Variants in VWA8 observed in about 807,000 individuals in gnomAD.
VWA8 encodes von Willebrand factor A domain containing 8.
A neutral mutation model predicts 241.5 loss-of-function variants in VWA8; 221 were observed. The observed-to-expected ratio is 0.91, with a 90% CI of 0.82 to 1.02. The LOEUF is 1.02. Among genes scored for constraint, VWA8 ranks in the 50% least tolerant of loss-of-function variants. The probability of loss-of-function intolerance (pLI) is 0.00; values close to 1 mark genes in which losing one functional copy is unlikely to be tolerated. For synonymous variants in VWA8, 852 were observed against 827.1 expected (o/e 1.03, Z -0.52); for missense variants, 2,322 against 2,328.7 (o/e 1.00, Z 0.06).
chr13:41,594,107 T>C (rs1465290072), intron 40 of VWA8, among the ~76,000 whole-genome samples: 1 of 149,334 alleles, frequency 6.7e-6, no homozygotes, highest in Non-Finnish European at 1.5e-5. Context: ...CTATAGATTG[T>C]CATTTTTGTA....
intron 39 of VWA8, among the ~76,000 whole-genome samples, chr13:41,606,670 T>C (rs9566808): frequency 0.047 from 7,173 of 152,258 alleles, 211 homozygotes; most frequent in East Asian, 0.15. Flanking sequence ...AGAATAAATG[T>C]TCTGTATTCC....
At chr13:41,844,306 T>C (rs1287692430) in intron 12 of VWA8, among the ~76,000 whole-genome samples, 3 of 151,880 alleles carry the variant, frequency 2.0e-5, no homozygotes, top group African/African-American at 7.3e-5. Flanking sequence ...ATAAAAACCC[T>C]CAACAACCTA....
chr13:41,736,159 T>C (rs1221433626), intron 21 of VWA8, among the ~76,000 whole-genome samples: 1 of 152,184 alleles, frequency 6.6e-6, no homozygotes, highest in East Asian at 1.9e-4. Context: ...AAGACATTTA[T>C]CAGTAATACT....
chr13:41,713,235 C>A (rs551183781), intron 26 of VWA8, among the ~76,000 whole-genome samples: 3 of 151,972 alleles, frequency 2.0e-5, no homozygotes, highest in African/African-American at 7.2e-5. Flanking sequence ...TTCCAGTGTC[C>A]GGAGAGTCAA....
chr13:41,735,887 T>C (rs1483167733), intron 21 of VWA8, among the ~76,000 whole-genome samples: 1 of 152,126 alleles, frequency 6.6e-6, no homozygotes, highest in African/African-American at 2.4e-5. Context: ...CAGAGGGTGC[T>C]TGATTAAAAT....
intron 25 of VWA8, among the ~76,000 whole-genome samples, chr13:41,720,262 G>A (rs2045378509): frequency 6.6e-6 from 1 of 152,092 alleles, no homozygotes; most frequent in African/African-American, 2.4e-5. Context: ...GACTACAACT[G>A]AATTTACACT....
At chr13:41,780,532 C>G (rs945845421) in intron 19 of VWA8, among the ~76,000 whole-genome samples, 5 of 152,270 alleles carry the variant, frequency 3.3e-5, no homozygotes, top group East Asian at 3.9e-4. Flanking sequence ...TAAACAGCAC[C>G]TGAATTGTTA....
At chr13:41,845,319 TAAC>T (rs1169118681) in intron 12 of VWA8, among the ~76,000 whole-genome samples, 2 of 151,944 alleles carry the variant, frequency 1.3e-5, no homozygotes, top group East Asian at 1.9e-4. Flanking sequence ...AGTCAAAAAA[TAAC>T]AAATGCTGGC....
chr13:41,867,591 A>T (rs1235142455), intron 10 of VWA8, among the ~76,000 whole-genome samples: 1 of 152,250 alleles, frequency 6.6e-6, no homozygotes, highest in East Asian at 1.9e-4. Context: ...GCAGAGACAA[A>T]TACAGTAAAT....
intron 37 of VWA8, among the ~76,000 whole-genome samples, chr13:41,648,427 G>C (rs907132984): frequency 2.6e-5 from 4 of 152,082 alleles, no homozygotes; most frequent in African/African-American, 4.8e-5. Flanking sequence ...TATTTCCCCA[G>C]AAAAGTAAAC....
intron 19 of VWA8, among the ~76,000 whole-genome samples, chr13:41,780,366 TTC>T (rs1868836312): frequency 6.6e-6 from 1 of 152,194 alleles, no homozygotes; most frequent in Non-Finnish European, 1.5e-5. Context: ...GTCACCTAAA[TTC>T]AACACATCTA....
chr13:41,662,148 G>T (rs965910154), intron 37 of VWA8, among the ~76,000 whole-genome samples: 9 of 152,058 alleles, frequency 5.9e-5, no homozygotes, highest in Non-Finnish European at 1.0e-4. Context: ...ATAAATTTTA[G>T]AGTTGGCTTG....
At chr13:41,834,191 C>T (rs1871614264) in intron 12 of VWA8, among the ~76,000 whole-genome samples, 1 of 152,168 alleles carries the variant, frequency 6.6e-6, no homozygotes, top group African/African-American at 2.4e-5. Context: ...AATAGTGTAA[C>T]AGACTTAAGC....
chr13:41,628,367 A>C (rs1194854724), intron 37 of VWA8, among the ~76,000 whole-genome samples: 1 of 152,202 alleles, frequency 6.6e-6, no homozygotes, highest in East Asian at 1.9e-4. Flanking sequence ...ATTATTGGGT[A>C]TATACCCAAA....
chr13:41,926,145 CA>C, intron 2 of VWA8: 1 of 593,346 alleles, frequency 1.7e-6, no homozygotes, highest in South Asian at 2.2e-5. Flanking sequence ...AATTGGAGTT[CA>C]GGGGAACCCT....
At chr13:41,624,407 T>C (rs749762389) in intron 37 of VWA8, among the ~76,000 whole-genome samples, 4 of 152,120 alleles carry the variant, frequency 2.6e-5, no homozygotes, top group Non-Finnish European at 1.5e-5. Flanking sequence ...CTGATGAACA[T>C]AGCTGCAAAA....
At chr13:41,582,580 T>C (rs1243395466) in intron 42 of VWA8, among the ~76,000 whole-genome samples, 2 of 152,216 alleles carry the variant, frequency 1.3e-5, no homozygotes, top group African/African-American at 2.4e-5. Flanking sequence ...CTATGGAATA[T>C]ATATTTTTCT....
intron 20 of VWA8, among the ~76,000 whole-genome samples, chr13:41,761,751 C>T (rs1182267527): frequency 1.3e-5 from 2 of 152,086 alleles, no homozygotes; most frequent in Non-Finnish European, 2.9e-5. Context: ...ATTAATAAAA[C>T]TCAACTATAT....
intron 35 of VWA8, among the ~76,000 whole-genome samples, chr13:41,680,880 T>TG (rs1195865361): frequency 2.0e-5 from 3 of 152,214 alleles, no homozygotes; most frequent in African/African-American, 4.8e-5. Flanking sequence ...AATTGTTGTA[T>TG]GTGAAGCAGT....
Sources: gnomAD v4.1 joint callset for allele counts (sites outside exome capture counted in the v4.1 genomes callset) on GRCh38, gnomAD v4.1.1 for gene constraint, MANE v1.5 for transcripts, NCBI Gene and HGNC (gene_info 2026-07-23, HGNC 2026-07-21) for gene names.